DNAJC16: variants seen among roughly 807,000 people sequenced by gnomAD.
The protein encoded by DNAJC16 is DnaJ heat shock protein family (Hsp40) member C16, also known as dnaJ homolog subfamily C member 16.
In DNAJC16, 76 loss-of-function variants were observed where a neutral mutation model predicts 92.7. That is an observed-to-expected ratio of 0.82 (90% CI 0.68 to 0.99). The LOEUF is 0.99. DNAJC16 is among the 50% of genes least tolerant of loss of function. The pLI, the probability that DNAJC16 is intolerant of heterozygous loss-of-function variation, is 0.00. For synonymous variants in DNAJC16, 328 were observed against 358.7 expected (o/e 0.91, Z 0.97); for missense variants, 869 against 942.4 (o/e 0.92, Z 1.02).
rs1310452101 is a variant in DNAJC16 at position 15,569,953 on chromosome 1, T to C, written c.*1776T>C. Reference sequence around the variant, plus strand: ...GCGTGAGCCACCACTCCCGGCTAAGTTAGTATTTCTTTAATCTTAATGCTT... The same window carrying C: ...GCGTGAGCCACCACTCCCGGCTAAGCTAGTATTTCTTTAATCTTAATGCTT... On this transcript the variant is annotated 3_prime_UTR_variant, in exon 15 of 15. Coordinates refer to ENST00000375847, the MANE Select transcript of DNAJC16 (RefSeq NM_015291.4). 6.6e-6 allele frequency: 1 copy of C among 152,512 alleles called. No individual in the cohort carries two copies. The highest frequency in any genetic ancestry group is 1.5e-5 in the Non-Finnish European group (1 of 68,038). 9.4% of individuals were successfully genotyped at this position (152,512 alleles called of 1,614,324 possible). A position where few individuals can be genotyped will look rare whatever the true frequency, so the allele number is the denominator to read the frequency against.
intron 5 of DNAJC16, 100 bp from the exon 6 acceptor site, chr1:15,546,667 T>C (rs984720010): frequency 2.2e-6 from 2 of 905,198 alleles, no homozygotes; most frequent in African/African-American, 1.7e-5. Context: ...TTTTTTGCAA[T>C]CTTTTACACT....
At chr1:15,557,334 G>C (rs928682351) in intron 7 of DNAJC16, among the ~76,000 whole-genome samples, 2 of 152,150 alleles carry the variant, frequency 1.3e-5, no homozygotes, top group African/African-American at 4.8e-5. Context: ...TTTAACTTCT[G>C]CATTGTAGGT....
chr1:15,543,470 G>A (rs573220835), intron 4 of DNAJC16, among the ~76,000 whole-genome samples: 1 of 152,314 alleles, frequency 6.6e-6, no homozygotes, highest in South Asian at 2.1e-4. Flanking sequence ...GGAAGAAGAG[G>A]GCATGGGGAA....
chr1:15,545,608 G>C (rs1232476581), intron 5 of DNAJC16, among the ~76,000 whole-genome samples: 1 of 152,164 alleles, frequency 6.6e-6, no homozygotes, highest in Non-Finnish European at 1.5e-5. Context: ...GAAATCTGGA[G>C]ACATGAAATA....
intron 2 of DNAJC16, 95 bp from the exon 3 acceptor site, chr1:15,534,142 G>T (rs1176578901): frequency 4.1e-6 from 5 of 1,214,426 alleles, no homozygotes; most frequent in African/African-American, 1.5e-5. Flanking sequence ...ATAGCCCTCC[G>T]TCTGCCTCTG....
rs1195606259 is a variant in DNAJC16, at chr1:15,567,844, A to G, written c.2016A>G (p.Leu672=). The part of the protein sequence containing the change: ...DKHREWLEYL[L]EFAQDAAPIP... ...ACAGAGAATGGCTAGAATACTTACT[A>G]GAATTTGCTCAAGATGCAGCTCCAA... is the stretch of plus-strand genomic sequence containing the variant. Residue 672 remains leucine (L), a synonymous_variant, in exon 15 of 15, where the codon CTA becomes CTG. Coordinates refer to ENST00000375847, the MANE Select transcript of DNAJC16 (RefSeq NM_015291.4). 6.2e-7 allele frequency: 1 copy of G among 1,614,204 alleles called. No homozygotes were observed. The highest frequency in any genetic ancestry group is 2.2e-5 in the East Asian group (1 of 44,892).
At chr1:15,529,625 C>T (rs1710607660) in intron 2 of DNAJC16, among the ~76,000 whole-genome samples, 1 of 151,986 alleles carries the variant, frequency 6.6e-6, no homozygotes, top group Non-Finnish European at 1.5e-5. Flanking sequence ...CATAAAGTAA[C>T]TTTATGAGTG....
rs186454912 is a variant in DNAJC16 at position 15,537,500 on chromosome 1, G to A, written c.574+686G>A. On this transcript the variant is annotated intron_variant, in intron 4 of 14. Transcript: ENST00000375847. ...AAGCACAGAATAATGTTTTACTGAA[G>A]GAGTAGACAAAGATGACAAGAAATT... Among the ~76,000 whole-genome samples the A allele has an allele frequency of 1.5e-3, 232 of 152,290 alleles. 3 individuals are homozygous for A. The highest frequency in any genetic ancestry group is 2.2e-4 in the Non-Finnish European group (15 of 68,026).
Position 15,566,090 on chromosome 1 carries a change from A to T in DNAJC16, c.1688A>T (p.Asn563Ile). The change falls in exon 13 of 15, where the codon AAT becomes ATT. Residue 563 changes from asparagine (N) to isoleucine (I), a missense_variant. Asn to Ile is a moderately radical substitution (Grantham distance 149, BLOSUM62 -3). Coordinates refer to ENST00000375847, the MANE Select transcript of DNAJC16 (RefSeq NM_015291.4). ...CTTTTTTCTTACTTTAGCGACTCTA[A>T]TGATGAGCGAGAGTCAAGCCCTCCA... Reference protein sequence around the residue: ...TVIVQAFSDSNDERESSPPEK... With the variant: ...TVIVQAFSDSIDERESSPPEK... 3.7e-6 allele frequency: 6 copies of T among 1,613,864 alleles called. No homozygotes were observed. The highest frequency in any genetic ancestry group is 5.1e-6 in the Non-Finnish European group (6 of 1,179,988).
intron 5 of DNAJC16, among the ~76,000 whole-genome samples, chr1:15,546,285 G>C (rs892673260): frequency 4.6e-5 from 7 of 152,160 alleles, no homozygotes; most frequent in African/African-American, 9.7e-5. Context: ...CTGCACTCTA[G>C]CCTGGGCAAC....
At chr1:15,530,879 G>A (rs896337549) in intron 2 of DNAJC16, among the ~76,000 whole-genome samples, 1 of 152,108 alleles carries the variant, frequency 6.6e-6, no homozygotes, top group Non-Finnish European at 1.5e-5. Context: ...GTAGAGACGG[G>A]GTTTTGCCAT....
At chr1:15,528,964 A>C (rs1235122564) in intron 1 of DNAJC16, 124 bp from the exon 2 acceptor site, 1 of 777,154 alleles carries the variant, frequency 1.3e-6, no homozygotes, top group Non-Finnish European at 2.0e-6. Context: ...ACAGCTTGAC[A>C]CTTTTCCTGC....
chr1:15,548,758 T>C (rs1638373528), intron 7 of DNAJC16, among the ~76,000 whole-genome samples: 1 of 152,120 alleles, frequency 6.6e-6, no homozygotes, highest in African/African-American at 2.4e-5. Context: ...AGATGAATAT[T>C]TATCTGATCT....
chr1:15,536,759 C>CT lies in DNAJC16; in HGVS notation c.520dup (p.Cys174LeufsTer30), dbSNP rs774743191. 1 of 1,613,924 alleles carries CT rather than the reference C, an allele frequency of 6.2e-7. No homozygotes were observed. The highest frequency in any genetic ancestry group is 1.1e-5 in the South Asian group (1 of 90,968). ...AGATCACCTCCGATTGGTGCTTTAG[C>CT]TGCATTCATATCGAGCCTGTGTGGA... On this transcript the variant is annotated frameshift_variant, in exon 4 of 15. Coordinates refer to ENST00000375847, the MANE Select transcript of DNAJC16 (RefSeq NM_015291.4). LOFTEE classifies it high-confidence loss of function.
chr1:15,536,682 C>A lies in DNAJC16; in HGVS notation c.442C>A (p.His148Asn). Residue 148 changes from histidine (H) to asparagine (N), a missense_variant, in exon 4 of 15, where the codon CAT (histidine) becomes AAT (asparagine). Physicochemically the swap from His to Asn is moderately conservative, Grantham distance 68 (BLOSUM62 1). Coordinates refer to ENST00000375847, the MANE Select transcript of DNAJC16 (RefSeq NM_015291.4). ...IDEKYLLHFS[H>N]YVNEVVPDSF... ...CGAAAAGTATTTATTGCACTTTTCA[C>A]ATTATGTGAATGAAGTGGTTCCAGA... 3 of 1,614,126 alleles carry A rather than the reference C, an allele frequency of 1.9e-6. No individual in the cohort carries two copies. The highest frequency in any genetic ancestry group is 2.5e-6 in the Non-Finnish European group (3 of 1,180,022).
At position 15,544,481 on chromosome 1, in the gene DNAJC16, A is replaced by C. The variant is rs769276605; in HGVS notation, c.657A>C (p.Leu219=). 1 of 1,614,152 alleles carries C rather than the reference A, an allele frequency of 6.2e-7. No individual in the cohort carries two copies. Among genetic ancestry groups the C allele is most frequent in the South Asian group, 1.1e-5 (1 of 91,088 alleles). The change falls in exon 5 of 15, where the codon CTA becomes CTC. Residue 219 remains leucine (L), a synonymous_variant. Transcript: ENST00000375847. The part of the protein sequence containing the change: ...HLGAHSTPSI[L]GIINGKISFF... The stretch of plus-strand genomic sequence containing the variant: ...GGGCACACAGCACGCCCTCTATCCT[A>C]GGAATCATTAACGGGAAAATCTCCT...
chr1:15,536,036 C>A (rs1710771580), intron 3 of DNAJC16, among the ~76,000 whole-genome samples: 2 of 148,744 alleles, frequency 1.3e-5, no homozygotes, highest in South Asian at 2.2e-4. Context: ...ATAATCGTGT[C>A]ATAATTTTTA....
At chr1:15,536,063 TTTTC>T (rs1351306702) in intron 3 of DNAJC16, among the ~76,000 whole-genome samples, 7 of 117,778 alleles carry the variant, frequency 5.9e-5, no homozygotes, top group Non-Finnish European at 1.0e-4. Context: ...TTTTCTTTTC[TTTTC>T]TTTTCTTTTT....
At chr1:15,551,336 T>C (rs1183112298) in intron 7 of DNAJC16, among the ~76,000 whole-genome samples, 1 of 152,250 alleles carries the variant, frequency 6.6e-6, no homozygotes, top group East Asian at 1.9e-4. Flanking sequence ...GGACAAGTGC[T>C]TACCTTGCCA....
Sources: allele counts gnomAD v4.1 joint callset (sites outside exome capture counted in the v4.1 genomes callset), GRCh38; gene constraint gnomAD v4.1.1; transcripts MANE v1.5; gene names NCBI Gene and HGNC (gene_info 2026-07-23, HGNC 2026-07-21).